Variants in TUBB3 observed in about 807,000 individuals in gnomAD.
The protein encoded by TUBB3 is tubulin beta 3 class III.
Under a neutral mutation model 37.8 loss-of-function variants are expected in TUBB3, and 17 were observed. The ratio of observed to expected loss-of-function variants is 0.45; its 90% CI spans 0.31 to 0.67. The LOEUF (loss-of-function observed/expected upper bound fraction) is 0.67, where lower values mean the gene tolerates loss of function less well. Ranked by LOEUF, TUBB3 falls within the 30% of genes least tolerant of loss-of-function variation. The pLI is 0.07. For synonymous variants in TUBB3, 332 were observed against 278.9 expected (o/e 1.19, Z -1.90); for missense variants, 262 against 657.9 (o/e 0.40, Z 6.58).
intron 1 of TUBB3, among the ~76,000 whole-genome samples, chr16:89,925,829 A>C (rs2030056861): frequency 6.6e-6 from 1 of 152,088 alleles, no homozygotes; most frequent in Non-Finnish European, 1.5e-5. Flanking sequence ...AGGCCCGTGC[A>C]CTCTGGGCAG....
chr16:89,933,364 G>A, intron 2 of TUBB3, 104 bp from the exon 3 acceptor site: 1 of 960,752 alleles, frequency 1.0e-6, no homozygotes, highest in Non-Finnish European at 1.7e-6. Flanking sequence ...CAGGCTCTTA[G>A]GATGTGAGCA....
At chr16:89,928,524 ATTTT>A (rs34609827) in intron 1 of TUBB3, among the ~76,000 whole-genome samples, 6 of 136,058 alleles carry the variant, frequency 4.4e-5, no homozygotes, top group Non-Finnish European at 6.3e-5. Context: ...ACACTGGCTA[ATTTT>A]TTTTTTTTTT....
At position 89,932,675 on chromosome 16, in the gene TUBB3, C is replaced by G. The variant is rs571880429; in HGVS notation, c.162C>G (p.Ala54=). 3.7e-6 allele frequency: 6 copies of G among 1,613,426 alleles called. No homozygotes were observed. The East Asian group carries it at 1.1e-4, about 30-fold the overall frequency. Residue 54 remains alanine, a synonymous_variant, in exon 2 of 4, where the codon GCC becomes GCG. Coordinates refer to ENST00000315491, the MANE Select transcript of TUBB3 (RefSeq NM_006086.4). ...LERISVYYNE[A]SSHKYVPRAI... is the part of the protein sequence containing the mutation. ...GGATCAGCGTCTACTACAACGAGGC[C>G]TCTTGTGAGTGCCTGCCCCAGCCTC... is the stretch of plus-strand genomic sequence containing the variant.
chr16:89,931,697 AC>A (rs1291156284), intron 1 of TUBB3: 18 of 201,156 alleles, frequency 8.9e-5, no homozygotes, highest in African/African-American at 4.1e-4. Flanking sequence ...ACACTGAGAC[AC>A]GGAATCCTAG....
At chr16:89,927,147 G>A (rs947442553) in intron 1 of TUBB3, among the ~76,000 whole-genome samples, 1 of 152,016 alleles carries the variant, frequency 6.6e-6, no homozygotes, top group African/African-American at 2.4e-5. Context: ...GGCCGAGGTG[G>A]GTGGATCACC....
intron 2 of TUBB3, 188 bp from the exon 3 acceptor site, chr16:89,933,280 T>G: frequency 1.4e-6 from 1 of 726,052 alleles, no homozygotes; most frequent in Non-Finnish European, 2.5e-6. Context: ...GCTCCGTCCT[T>G]AAACACAGTG....
chr16:89,932,532 G>A, intron 1 of TUBB3, 39 bp from the exon 2 acceptor site: 3 of 1,563,678 alleles, frequency 1.9e-6, no homozygotes, highest in Non-Finnish European at 2.6e-6. Context: ...CTGGGGCTAT[G>A]GGCCGGTGCC....
upstream of TUBB3, chr16:89,921,975 A>T (rs2029898417): frequency 6.6e-6 from 1 of 152,358 alleles, no homozygotes; most frequent in Non-Finnish European, 1.5e-5. Flanking sequence ...GAGGCTGCAA[A>T]ACTTCTTCCC....
chr16:89,925,666 G>A (rs1490503308), intron 1 of TUBB3, among the ~76,000 whole-genome samples: 2 of 152,140 alleles, frequency 1.3e-5, no homozygotes, highest in East Asian at 3.9e-4. Flanking sequence ...CGGGGGCGGG[G>A]GCGGCAAGAG....
At chr16:89,930,446 CAG>C (rs1385615329) in intron 1 of TUBB3, among the ~76,000 whole-genome samples, 2 of 151,624 alleles carry the variant, frequency 1.3e-5, no homozygotes, top group Non-Finnish European at 2.9e-5. Context: ...TTCTATGAGA[CAG>C]AGTCTCACTC....
intron 1 of TUBB3, among the ~76,000 whole-genome samples, chr16:89,926,976 C>T (rs1448672329): frequency 6.6e-6 from 1 of 152,036 alleles, no homozygotes; most frequent in Non-Finnish European, 1.5e-5. Flanking sequence ...CTCAGCCTCC[C>T]AAAGTGCTGG....
At chr16:89,929,677 A>G (rs1419082222) in intron 1 of TUBB3, among the ~76,000 whole-genome samples, 1 of 152,130 alleles carries the variant, frequency 6.6e-6, no homozygotes, top group Non-Finnish European at 1.5e-5. Flanking sequence ...GCACCCACGC[A>G]TAGAGAAGCA....
chr16:89,926,769 G>A (rs2030102590), intron 1 of TUBB3, among the ~76,000 whole-genome samples: 1 of 151,932 alleles, frequency 6.6e-6, no homozygotes, highest in Non-Finnish European at 1.5e-5. Flanking sequence ...CCAGGCTGGA[G>A]TGCAGTGGCG....
At chr16:89,923,849 G>T (rs1405836949) in intron 1 of TUBB3, among the ~76,000 whole-genome samples, 2 of 152,120 alleles carry the variant, frequency 1.3e-5, no homozygotes, top group African/African-American at 2.4e-5. Context: ...GGCAGGTTTG[G>T]GTGGGGTGGG....
At chr16:89,933,175 G>A (rs1395537097) in intron 2 of TUBB3, 3 of 655,976 alleles carry the variant, frequency 4.6e-6, no homozygotes, top group Non-Finnish European at 5.6e-6. Context: ...CGATCCACCT[G>A]CCTTGGCCTC....
Position 89,932,562 on chromosome 16 carries a change from T to G in TUBB3, c.58-9T>G. 7 of 1,613,434 alleles carry G rather than the reference T, an allele frequency of 4.3e-6. No homozygotes were observed. The highest frequency in any genetic ancestry group is 5.9e-6 in the Non-Finnish European group (7 of 1,179,480). On this transcript the variant is annotated splice_polypyrimidine_tract_variant and intron_variant, in intron 1 of 3. Transcript: ENST00000315491. The stretch of plus-strand genomic sequence containing the variant: ...GGTGCCGACCCCCCCTCTCCCACTT[T>G]GTTTGCAGTTCTGGGAAGTCATCAG...
At chr16:89,922,018 C>A (rs1376158255), upstream of TUBB3, 1 of 152,540 alleles carries the variant, frequency 6.6e-6, no homozygotes, top group Non-Finnish European at 1.5e-5. Context: ...CAGACACTCA[C>A]CCCGGACTCC....
intron 1 of TUBB3, among the ~76,000 whole-genome samples, chr16:89,932,268 C>T (rs2030304819): frequency 6.6e-6 from 1 of 152,214 alleles, no homozygotes; most frequent in Non-Finnish European, 1.5e-5. Flanking sequence ...TGGAGGAATC[C>T]GCTGCTCCAG....
At chr16:89,928,116 A>T (rs2030149920) in intron 1 of TUBB3, among the ~76,000 whole-genome samples, 1 of 152,002 alleles carries the variant, frequency 6.6e-6, no homozygotes, top group South Asian at 2.1e-4. Context: ...CTGGACTGGC[A>T]TGATCTAGGC....
Sources: gnomAD v4.1 joint callset for allele counts (sites outside exome capture counted in the v4.1 genomes callset) on GRCh38, gnomAD v4.1.1 for gene constraint, MANE v1.5 for transcripts, NCBI Gene and HGNC (gene_info 2026-07-23, HGNC 2026-07-21) for gene names.